ARHGAP26: variants seen among roughly 807,000 people sequenced by gnomAD.
ARHGAP26 encodes Rho GTPase activating protein 26.
A neutral mutation model predicts 104.8 loss-of-function variants in ARHGAP26; 38 were observed. The ratio of observed to expected loss-of-function variants is 0.36; its 90% CI spans 0.28 to 0.48. ARHGAP26 has a LOEUF of 0.48. Ranked by LOEUF, ARHGAP26 falls within the 20% of genes least tolerant of loss-of-function variation. ARHGAP26 has a pLI of 0.99. For missense variants in ARHGAP26, 704 were observed against 947.9 expected, an observed-to-expected ratio of 0.74 and a Z score of 3.38; for synonymous variants, 341 against 340.0, an observed-to-expected ratio of 1.00 and a Z score of -0.03.
At chr5:143,160,360 A>G (rs1337825074) in intron 20 of ARHGAP26, among the ~76,000 whole-genome samples, 2 of 151,540 alleles carry the variant, frequency 1.3e-5, no homozygotes, top group Admixed American at 1.3e-4. Flanking sequence ...TGCCTGGCCA[A>G]GATTTTTCTT....
chr5:143,085,235 G>C (rs1028947309), intron 17 of ARHGAP26, among the ~76,000 whole-genome samples: 1 of 151,876 alleles, frequency 6.6e-6, no homozygotes, highest in Non-Finnish European at 1.5e-5. Flanking sequence ...TGTCCCACTC[G>C]GCCTGGCCTG....
chr5:143,154,808 T>C (rs1309385769), intron 20 of ARHGAP26, among the ~76,000 whole-genome samples: 8 of 152,340 alleles, frequency 5.3e-5, no homozygotes, highest in Non-Finnish European at 1.2e-4. Flanking sequence ...ACCAAATGAA[T>C]GGCAAAATGA....
chr5:143,058,287 T>G (rs1786159152), intron 17 of ARHGAP26: 1 of 237,278 alleles, frequency 4.2e-6, no homozygotes, highest in South Asian at 8.1e-5. Flanking sequence ...GATCATTGAT[T>G]TTTGAAGTTA....
chr5:143,081,262 C>T (rs749202921), intron 17 of ARHGAP26, among the ~76,000 whole-genome samples: 3 of 151,958 alleles, frequency 2.0e-5, no homozygotes, highest in African/African-American at 4.8e-5. Flanking sequence ...GGCTCTACAG[C>T]ATTTAGAAGT....
intron 22 of ARHGAP26, among the ~76,000 whole-genome samples, chr5:143,214,300 G>A (rs1242445142): frequency 6.6e-6 from 1 of 152,160 alleles, no homozygotes; most frequent in Non-Finnish European, 1.5e-5. Flanking sequence ...TGTGAAGAGT[G>A]GACTAGTGTA....
At position 143,020,467 on chromosome 5, in the gene ARHGAP26, A is replaced by G. The variant is rs542779692; in HGVS notation, c.1144+6351A>G. Among the ~76,000 whole-genome samples, 4 of 152,268 alleles carry G rather than the reference A, an allele frequency of 2.6e-5. No individual in the cohort carries two copies. In the East Asian group the frequency reaches 7.7e-4, roughly 29 times the overall value. On this transcript the variant is annotated intron_variant, in intron 12 of 22. Coordinates refer to ENST00000645722, the MANE Select transcript of ARHGAP26 (RefSeq NM_001135608.3). ...CAGAAGTACCCAGGGTGCAGACTAC[A>G]TGCCCAGAGCTCATGGATTTGAGAG...
At chr5:143,168,445 C>CATTTTTTTTTTTTTTTT (rs1802319615) in intron 20 of ARHGAP26, 1 of 25,670 alleles carries the variant, frequency 3.9e-5, no homozygotes, top group African/African-American at 1.5e-4. Flanking sequence ...ATCTGGAACT[C>CATTTTTTTTTTTTTTTT]TTTTTTTTTT....
intron 17 of ARHGAP26, among the ~76,000 whole-genome samples, chr5:143,081,874 C>T (rs994114472): frequency 5.3e-5 from 8 of 152,082 alleles, no homozygotes; most frequent in South Asian, 4.2e-4. Context: ...ATTAGCCGGG[C>T]GTGGTGGTGG....
Position 143,213,997 on chromosome 5 carries a change from C to A in ARHGAP26, c.2100C>A (p.Ser700Arg). The change falls in exon 22 of 23, where the codon AGC becomes AGA. Residue 700 changes from serine (S) to arginine (R), a missense_variant and splice_region_variant. This residue lies in a region of ARHGAP26 where 217 missense variants were observed against 242.6 expected (regional missense o/e 0.89). Coordinates refer to ENST00000645722, the MANE Select transcript of ARHGAP26 (RefSeq NM_001135608.3). ...SSTSSDSSPV[S>R]TPFRKAKALY... is the part of the protein sequence containing the mutation. ...TAAATAAACTCCTGTTTTCACACAG[C>A]ACACCGTTCCGGAAGGCAAAAGCCT... The A allele has an allele frequency of 6.3e-7, 1 of 1,584,636 alleles. No individual in the cohort carries two copies. Among genetic ancestry groups the A allele is most frequent in the Non-Finnish European group, 8.6e-7 (1 of 1,158,456 alleles).
chr5:142,986,329 T>C (rs1489831926), intron 11 of ARHGAP26, among the ~76,000 whole-genome samples: 4 of 152,160 alleles, frequency 2.6e-5, no homozygotes, highest in African/African-American at 9.7e-5. Context: ...CTGTTCATAT[T>C]CTTTGCCCAC....
chr5:143,102,137 G>T (rs754196751), intron 17 of ARHGAP26, among the ~76,000 whole-genome samples: 1 of 152,152 alleles, frequency 6.6e-6, no homozygotes, highest in Non-Finnish European at 1.5e-5. Flanking sequence ...CAGCAGGACC[G>T]TGAGTAAGGG....
intron 21 of ARHGAP26, among the ~76,000 whole-genome samples, chr5:143,210,572 T>C (rs2151376581): frequency 6.6e-6 from 1 of 152,286 alleles, no homozygotes; most frequent in South Asian, 2.1e-4. Flanking sequence ...GTATTTCCCT[T>C]TTCTTTCACT....
chr5:143,096,445 C>G (rs1189089363), intron 17 of ARHGAP26, among the ~76,000 whole-genome samples: 3 of 152,086 alleles, frequency 2.0e-5, no homozygotes, highest in Non-Finnish European at 2.9e-5. Flanking sequence ...TGCCAAATAC[C>G]CAAGTGTCAG....
intron 11 of ARHGAP26, among the ~76,000 whole-genome samples, chr5:143,005,799 C>T (rs914057818): frequency 3.3e-5 from 5 of 152,178 alleles, no homozygotes. Context: ...AGCAAGAACG[C>T]TTCCGGGGCT....
intron 5 of ARHGAP26, among the ~76,000 whole-genome samples, chr5:142,885,958 C>T (rs906198898): frequency 1.3e-5 from 2 of 151,866 alleles, no homozygotes; most frequent in South Asian, 2.1e-4. Flanking sequence ...CTTAAATTTG[C>T]GCTTGGTTTT....
intron 11 of ARHGAP26, among the ~76,000 whole-genome samples, chr5:143,000,545 CAT>C (rs1440078295): frequency 6.6e-6 from 1 of 152,182 alleles, no homozygotes; most frequent in Non-Finnish European, 1.5e-5. Context: ...GATTATAAAT[CAT>C]ATAAATCATT....
intron 17 of ARHGAP26, among the ~76,000 whole-genome samples, chr5:143,098,904 G>C (rs910087534): frequency 1.3e-5 from 2 of 152,162 alleles, no homozygotes; most frequent in African/African-American, 4.8e-5. Context: ...ATGACTTTGT[G>C]AAAGTATAGT....
intron 12 of ARHGAP26, chr5:143,014,488 A>G (rs1320394720): frequency 1.4e-5 from 3 of 215,018 alleles, no homozygotes; most frequent in Non-Finnish European, 2.8e-5. Context: ...TGGGAAAGCC[A>G]AAGTTGCTGT....
At chr5:142,978,619 A>C (rs913752886) in intron 11 of ARHGAP26, among the ~76,000 whole-genome samples, 3 of 152,160 alleles carry the variant, frequency 2.0e-5, no homozygotes, top group African/African-American at 7.2e-5. Flanking sequence ...GACTTCATAG[A>C]GTTCTCAGTG....
Sources: gnomAD v4.1 joint callset for allele counts (sites outside exome capture counted in the v4.1 genomes callset) on GRCh38, gnomAD v4.1.1 for gene constraint, gnomAD v4.1.1 regional missense constraint, MANE v1.5 for transcripts, NCBI Gene and HGNC (gene_info 2026-07-23, HGNC 2026-07-21) for gene names.